The following PTGER3 variants were observed in gnomAD, a reference collection of about 807,000 sequenced individuals.
PTGER3 encodes the protein prostaglandin E2 receptor EP3 subtype.
In PTGER3, 22 loss-of-function variants were observed where a neutral mutation model predicts 34.7. The observed-to-expected ratio is 0.63, with a 90% CI of 0.45 to 0.91. The LOEUF (loss-of-function observed/expected upper bound fraction) is 0.91. PTGER3 is among the 40% of genes least tolerant of loss of function. The pLI is 0.00. For synonymous variants in PTGER3, 241 were observed against 230.1 expected, an observed-to-expected ratio of 1.05 and a Z score of -0.43; for missense variants, 468 against 519.4, an observed-to-expected ratio of 0.90 and a Z score of 0.96.
chr1:70,874,822 GT>G (rs35816348), intron 4 of PTGER3, among the ~76,000 whole-genome samples: 123 of 148,838 alleles, frequency 8.3e-4, no homozygotes, highest in Admixed American at 1.7e-3. Context: ...TTCATTTTAT[GT>G]TTTTTTTTTA....
chr1:70,978,953 T>C (rs1419430783), intron 2 of PTGER3, among the ~76,000 whole-genome samples: 9 of 152,202 alleles, frequency 5.9e-5, no homozygotes, highest in Non-Finnish European at 1.2e-4. Context: ...TCTAGCTTTC[T>C]CTTTCTGCTC....
At chr1:70,928,894 CACT>C (rs999112484) in intron 4 of PTGER3, among the ~76,000 whole-genome samples, 3 of 146,694 alleles carry the variant, frequency 2.0e-5, no homozygotes, top group Non-Finnish European at 3.0e-5. Flanking sequence ...CACACACACA[CACT>C]ATATATATAC....
At chr1:71,027,291 A>C (rs1248631954) in intron 1 of PTGER3, among the ~76,000 whole-genome samples, 1 of 152,106 alleles carries the variant, frequency 6.6e-6, no homozygotes, top group Non-Finnish European at 1.5e-5. Flanking sequence ...AGTAGCTAGT[A>C]CTACAGGCAT....
intron 4 of PTGER3, among the ~76,000 whole-genome samples, chr1:70,894,184 C>A (rs539070291): frequency 5.9e-4 from 89 of 151,944 alleles, no homozygotes; most frequent in Non-Finnish European, 1.0e-3. Flanking sequence ...TGGTGGGCAC[C>A]TGTAATCCCA....
intron 2 of PTGER3, among the ~76,000 whole-genome samples, chr1:70,977,525 T>C (rs1336310721): frequency 6.6e-6 from 1 of 152,086 alleles, no homozygotes; most frequent in Non-Finnish European, 1.5e-5. Flanking sequence ...CTGAGGACTA[T>C]GATGGTCTGT....
chr1:70,972,568 T>C (rs1319950537), intron 3 of PTGER3, among the ~76,000 whole-genome samples: 1 of 152,032 alleles, frequency 6.6e-6, no homozygotes, highest in Non-Finnish European at 1.5e-5. Context: ...AACCTCTGCC[T>C]TTCAGTACTT....
At chr1:70,953,498 A>T (rs553223556) in intron 3 of PTGER3, among the ~76,000 whole-genome samples, 1 of 152,108 alleles carries the variant, frequency 6.6e-6, no homozygotes, top group Non-Finnish European at 1.5e-5. Context: ...CCAAGTCCCC[A>T]CAGCTGATCC....
intron 2 of PTGER3, among the ~76,000 whole-genome samples, chr1:70,986,192 C>T (rs1654894363): frequency 1.3e-5 from 2 of 152,262 alleles, no homozygotes; most frequent in East Asian, 1.9e-4. Flanking sequence ...CATGAATACT[C>T]AGCCCTTTGT....
chr1:70,952,599 A>G (rs1019369004), exon 4 of PTGER3: 8 of 1,021,242 alleles, frequency 7.8e-6, no homozygotes, highest in African/African-American at 1.7e-5. Context: ...CCAGAGATGC[A>G]CTGCATTACC....
chr1:71,031,265 C>T (rs1659390517), intron 1 of PTGER3, among the ~76,000 whole-genome samples: 1 of 151,958 alleles, frequency 6.6e-6, no homozygotes, highest in East Asian at 1.9e-4. Context: ...CACACACACA[C>T]ACACACACAC....
intron 2 of PTGER3, chr1:71,008,449 G>A (rs560139247): frequency 1.1e-6 from 1 of 895,790 alleles, no homozygotes; most frequent in East Asian, 1.2e-4. Context: ...TTATAAAAGG[G>A]AATATATCAA....
chr1:70,992,486 C>T (rs1035297798), intron 2 of PTGER3, among the ~76,000 whole-genome samples: 2 of 152,176 alleles, frequency 1.3e-5, no homozygotes, highest in Non-Finnish European at 2.9e-5. Flanking sequence ...AAATTGAACC[C>T]TTCACCCCTT....
At chr1:70,852,580 A>C in exon 5 of PTGER3, 1 of 520,028 alleles carries the variant, frequency 1.9e-6, no homozygotes, top group Non-Finnish European at 3.4e-6. Flanking sequence ...TTTACATATG[A>C]TAATGTATAC....
At chr1:70,869,119 A>G (rs183163673) in intron 4 of PTGER3, 1 of 353,708 alleles carries the variant, frequency 2.8e-6, no homozygotes, top group Non-Finnish European at 5.6e-6. Flanking sequence ...TGCTTTACTC[A>G]TAACGGAAGG....
At chr1:71,005,456 T>C (rs1258760664) in intron 2 of PTGER3, among the ~76,000 whole-genome samples, 1 of 152,232 alleles carries the variant, frequency 6.6e-6, no homozygotes, top group Non-Finnish European at 1.5e-5. Flanking sequence ...ACCTCCCATG[T>C]TAGCATCACG....
intron 4 of PTGER3, among the ~76,000 whole-genome samples, chr1:70,922,328 A>T (rs1016522572): frequency 5.9e-5 from 9 of 151,406 alleles, no homozygotes; most frequent in African/African-American, 2.2e-4. Context: ...CAAGTCAGAA[A>T]GTCCAAGCAT....
chr1:70,988,930 T>C (rs909646674), intron 2 of PTGER3, among the ~76,000 whole-genome samples: 5 of 152,110 alleles, frequency 3.3e-5, no homozygotes, highest in Non-Finnish European at 1.5e-5. Context: ...ATTACCTAAA[T>C]TGTTCAGTCA....
At position 70,930,786 on chromosome 1, in the gene PTGER3, G is replaced by A. The variant is rs540765459; in HGVS notation, c.*23+22977C>T. ...TCACCTGGTCCCTCCCACAGAACACGGGAATTATGGGAGTACAATTAAAGA... is the reference window on the plus strand; with the variant it reads ...TCACCTGGTCCCTCCCACAGAACACAGGAATTATGGGAGTACAATTAAAGA... On this transcript the variant is annotated intron_variant, in intron 4 of 4. Transcript: ENST00000370931. Among the ~76,000 whole-genome samples the A allele has an allele frequency of 8.5e-5, 13 of 152,140 alleles. No homozygotes were observed. The South Asian group carries it at 2.1e-3, about 24-fold the overall frequency.
intron 2 of PTGER3, among the ~76,000 whole-genome samples, chr1:70,979,731 G>A (rs1305423716): frequency 1.3e-5 from 2 of 152,084 alleles, no homozygotes; most frequent in Non-Finnish European, 2.9e-5. Context: ...ACCACTTCGT[G>A]AGACTCTGAT....
Sources: gnomAD v4.1 joint callset for allele counts (sites outside exome capture counted in the v4.1 genomes callset) on GRCh38, gnomAD v4.1.1 for gene constraint, MANE v1.5 for transcripts, NCBI Gene and HGNC (gene_info 2026-07-23, HGNC 2026-07-21) for gene names.